The following FBXW7 variants were observed in gnomAD, a reference collection of about 807,000 sequenced individuals.
FBXW7 encodes the protein F-box and WD repeat domain containing 7.
FBXW7 carries 11 observed loss-of-function variants against 86.3 expected under a neutral mutation model. That is an observed-to-expected ratio of 0.13 (90% confidence interval 0.08 to 0.21). The LOEUF is 0.21. Ranked by LOEUF, FBXW7 falls within the 10% of genes least tolerant of loss-of-function variation. The pLI is 1.00. For synonymous variants in FBXW7, 313 were observed against 297.9 expected (o/e 1.05, Z -0.52); for missense variants, 488 against 847.4 (o/e 0.58, Z 5.27).
In FBXW7 at chr4:152,411,334, A is replaced by T. The variant is rs2126876490; in HGVS notation, c.470T>A (p.Leu157His). ...SSIVDLPVHQ[L>H]SSPFYTKTTK... The stretch of plus-strand genomic sequence containing the variant: ...TGTTTTTGTATAGAATGGGGAGGAG[A>T]GTTGGTGAACGGGCAGGTCCACAAT... The change falls in exon 4 of 14, where the codon CTC (leucine) becomes CAC (histidine). Residue 157 changes from leucine to histidine, a missense_variant. By Grantham distance (99) the Leu-to-His change is moderately conservative. Coordinates refer to ENST00000281708, the MANE Select transcript of FBXW7 (RefSeq NM_001349798.2). 2 of 1,611,442 alleles carry T rather than the reference A, an allele frequency of 1.2e-6. No individual in the cohort carries two copies. The highest frequency in any genetic ancestry group is 1.7e-6 in the Non-Finnish European group (2 of 1,178,714).
intron 12 of FBXW7, chr4:152,325,368 C>T (rs1268035977): frequency 1.3e-5 from 2 of 152,048 alleles, no homozygotes; most frequent in Non-Finnish European, 2.9e-5. Context: ...AATATTTTTA[C>T]ATTAAAAATG....
intron 4 of FBXW7, among the ~76,000 whole-genome samples, chr4:152,400,606 CA>C (rs1462067059): frequency 6.6e-6 from 1 of 152,050 alleles, no homozygotes; most frequent in Non-Finnish European, 1.5e-5. Context: ...CTCAGCCTGC[CA>C]AAGTGCTGGG....
chr4:152,482,746 T>A (rs74950202), intron 2 of FBXW7, among the ~76,000 whole-genome samples: 2,085 of 152,308 alleles, frequency 0.014, 26 homozygotes, highest in Middle Eastern at 0.037. Context: ...TATTTCCAAT[T>A]AATCTGATGT....
At chr4:152,449,253 G>A (rs1741692768) in intron 2 of FBXW7, among the ~76,000 whole-genome samples, 1 of 152,160 alleles carries the variant, frequency 6.6e-6, no homozygotes, top group Non-Finnish European at 1.5e-5. Context: ...TTAATTTACA[G>A]AATTGTTTTC....
intron 2 of FBXW7, among the ~76,000 whole-genome samples, chr4:152,435,926 C>T (rs568629400): frequency 6.6e-6 from 1 of 152,206 alleles, no homozygotes; most frequent in South Asian, 2.1e-4. Flanking sequence ...CATGTTACTA[C>T]TGTAATTGTT....
Position 152,411,452 on chromosome 4 carries a change from TCTCCTCCTC to T in FBXW7, c.343_351del (p.Glu115_Glu117del), listed in dbSNP as rs751645930. ...TCAAAATCGTCACTCTCCTGGTCCA[TCTCCTCCTC>T]CTCCTCATCCTCCTCATCTTGTTCA... On this transcript the variant is annotated inframe_deletion, in exon 4 of 14. Transcript: ENST00000281708. The T allele has an allele frequency of 6.2e-7, 1 of 1,613,268 alleles. No individual in the cohort carries two copies. Among genetic ancestry groups the T allele is most frequent in the Admixed American group, 1.7e-5 (1 of 59,866 alleles).
rs908299039 is a variant in FBXW7, at chr4:152,536,029, G to C, written c.-1115C>G. 4.6e-6 allele frequency: 1 copy of C among 218,286 alleles called. No homozygotes were observed. The highest frequency in any genetic ancestry group is 9.0e-6 in the Non-Finnish European group (1 of 111,398). The allele number at this position is 218,286 out of a possible 1,614,324, so 13.5% of individuals were successfully genotyped here. A position where few individuals can be genotyped will look rare whatever the true frequency, so the allele number is the denominator to read the frequency against. On this transcript the variant is annotated 5_prime_UTR_variant, in exon 1 of 14. Coordinates refer to ENST00000281708, the MANE Select transcript of FBXW7 (RefSeq NM_001349798.2). The stretch of plus-strand genomic sequence containing the variant: ...GGCGGCGGCGGCAGCGGCAGCGGCA[G>C]CGCCCGGAGCTCAGCTCGCTGTCTC...
intron 4 of FBXW7, among the ~76,000 whole-genome samples, chr4:152,367,097 C>G (rs1733558840): frequency 6.6e-6 from 1 of 151,942 alleles, no homozygotes; most frequent in Non-Finnish European, 1.5e-5. Context: ...GGACACAGGG[C>G]TGGGAACATC....
intron 2 of FBXW7, among the ~76,000 whole-genome samples, chr4:152,498,888 T>G (rs1488052822): frequency 6.6e-6 from 1 of 152,146 alleles, no homozygotes; most frequent in Non-Finnish European, 1.5e-5. Context: ...AGAGTATAAG[T>G]GCTTGACAAT....
intron 2 of FBXW7, among the ~76,000 whole-genome samples, chr4:152,513,862 T>C (rs1394454830): frequency 3.9e-5 from 6 of 152,210 alleles, no homozygotes; most frequent in African/African-American, 1.4e-4. Flanking sequence ...TGTCTTTTCC[T>C]AAAAAGTTCA....
In FBXW7 at chr4:152,330,810, G is replaced by C. The variant is rs2126535550; in HGVS notation, c.1044C>G (p.His348Gln). 1.2e-6 allele frequency: 2 copies of C among 1,612,628 alleles called. No individual in the cohort carries two copies. The highest frequency in any genetic ancestry group is 1.7e-6 in the Non-Finnish European group (2 of 1,178,928). ...TGATGTATGCACTTTTCCATGGACT[G>C]TGTATGAAACCTGGTTTTATTACTT... ...RRKVIKPGFIHSPWKSAYIRQ... is the reference protein window; with the variant it reads ...RRKVIKPGFIQSPWKSAYIRQ... The change falls in exon 9 of 14, where the codon CAC (histidine) becomes CAG (glutamine). Residue 348 changes from histidine to glutamine, a missense_variant. His to Gln is a conservative substitution (Grantham distance 24). Transcript: ENST00000281708.
chr4:152,358,843 T>G (rs971415375), intron 4 of FBXW7, among the ~76,000 whole-genome samples: 3 of 152,100 alleles, frequency 2.0e-5, no homozygotes, highest in African/African-American at 7.2e-5. Flanking sequence ...ATTTAACAGG[T>G]GGGAAAAGTA....
intron 2 of FBXW7, among the ~76,000 whole-genome samples, chr4:152,442,199 G>T (rs1434548864): frequency 6.6e-6 from 1 of 152,124 alleles, no homozygotes; most frequent in Non-Finnish European, 1.5e-5. Flanking sequence ...ACTCCACACA[G>T]CTTCCTCAGG....
At chr4:152,369,977 A>G (rs1733864240) in intron 4 of FBXW7, among the ~76,000 whole-genome samples, 1 of 151,996 alleles carries the variant, frequency 6.6e-6, no homozygotes, top group Non-Finnish European at 1.5e-5. Context: ...AAAAAGCAAG[A>G]TATAGTTATG....
chr4:152,331,657 T>C (rs1560766773), intron 8 of FBXW7, among the ~76,000 whole-genome samples: 2 of 152,022 alleles, frequency 1.3e-5, no homozygotes. Flanking sequence ...TGAACACAGA[T>C]GGTAGTTGCA....
At chr4:152,455,831 T>C (rs1033232994) in intron 2 of FBXW7, among the ~76,000 whole-genome samples, 7 of 152,186 alleles carry the variant, frequency 4.6e-5, no homozygotes, top group Admixed American at 1.3e-4. Context: ...CTGATTGGTT[T>C]TGCCTCCTTC....
At chr4:152,389,982 A>G (rs917415837) in intron 4 of FBXW7, among the ~76,000 whole-genome samples, 2 of 152,038 alleles carry the variant, frequency 1.3e-5, no homozygotes, top group Non-Finnish European at 2.9e-5. Flanking sequence ...ATAAGAAAAC[A>G]TTTTTATTGG....
intron 4 of FBXW7, among the ~76,000 whole-genome samples, chr4:152,381,377 G>A (rs895073936): frequency 6.6e-5 from 10 of 152,040 alleles, no homozygotes; most frequent in Non-Finnish European, 1.3e-4. Context: ...CCCTAACAGT[G>A]TTGATATACA....
At position 152,322,070 on chromosome 4, in the gene FBXW7, TTTTC is replaced by T. The variant is rs1470459743; in HGVS notation, c.*807_*810del. 8.6e-6 allele frequency: 2 copies of T among 233,140 alleles called. No individual in the cohort carries two copies. The highest frequency in any genetic ancestry group is 2.2e-5 in the African/African-American group (1 of 45,322). 14.4% of individuals were successfully genotyped at this position (233,140 alleles called of 1,614,324 possible). Reference sequence around the variant, plus strand: ...AAAAATAAAAAAAAATAATTTGCTTTTTTCTTTCTTTCATTTAGCAGCATAAATA... The same window carrying T: ...AAAAATAAAAAAAAATAATTTGCTTTTTTCTTTCATTTAGCAGCATAAATA... On this transcript the variant is annotated 3_prime_UTR_variant, in exon 14 of 14. Coordinates refer to ENST00000281708, the MANE Select transcript of FBXW7 (RefSeq NM_001349798.2).
Sources: allele counts gnomAD v4.1 joint callset (sites outside exome capture counted in the v4.1 genomes callset), GRCh38; gene constraint gnomAD v4.1.1; transcripts MANE v1.5; gene names NCBI Gene and HGNC (gene_info 2026-07-23, HGNC 2026-07-21).